Variants in KATNBL1 observed in about 807,000 individuals in gnomAD.
The protein encoded by KATNBL1 is katanin regulatory subunit B1 like 1.
Under a neutral mutation model 44.7 loss-of-function variants are expected in KATNBL1, and 28 were observed. That is an observed-to-expected ratio of 0.63 (90% CI 0.46 to 0.86). The LOEUF (loss-of-function observed/expected upper bound fraction) is 0.86. Among genes scored for constraint, KATNBL1 ranks in the 40% least tolerant of loss-of-function variants. The pLI is 0.00. For synonymous variants in KATNBL1, 78 were observed against 114.9 expected, an observed-to-expected ratio of 0.68 and a Z score of 2.06; for missense variants, 272 against 350.7, an observed-to-expected ratio of 0.78 and a Z score of 1.79.
chr15:34,209,025 C>T (rs1279964198), intron 1 of KATNBL1: 4 of 152,166 alleles, frequency 2.6e-5, no homozygotes, highest in African/African-American at 9.7e-5. Flanking sequence ...GCTCTTAATA[C>T]GCCCAGCGCA....
intron 2 of KATNBL1, among the ~76,000 whole-genome samples, chr15:34,159,510 A>G (rs1888735057): frequency 6.6e-6 from 1 of 152,206 alleles, no homozygotes; most frequent in Admixed American, 6.5e-5. Flanking sequence ...GAAGCTCATC[A>G]TGGAGAAGAC....
intron 1 of KATNBL1, among the ~76,000 whole-genome samples, chr15:34,205,654 GCAT>G (rs765748775): frequency 3.1e-4 from 47 of 152,174 alleles, no homozygotes; most frequent in Non-Finnish European, 5.9e-4. Flanking sequence ...TGGTTGGTTT[GCAT>G]TTTGAATTCC....
intron 2 of KATNBL1, among the ~76,000 whole-genome samples, chr15:34,161,326 G>T (rs556057372): frequency 1.3e-5 from 2 of 152,092 alleles, no homozygotes; most frequent in Admixed American, 6.5e-5. Flanking sequence ...ACACTGGGTG[G>T]GCCTCGATTC....
intron 9 of KATNBL1, among the ~76,000 whole-genome samples, chr15:34,144,397 G>A (rs1888248185): frequency 6.6e-6 from 1 of 150,678 alleles, no homozygotes. Context: ...CTAAGTCCAT[G>A]ACATAAATCC....
chr15:34,181,152 T>C (rs1238859215), intron 1 of KATNBL1, among the ~76,000 whole-genome samples: 1 of 149,642 alleles, frequency 6.7e-6, no homozygotes, highest in Non-Finnish European at 1.5e-5. Flanking sequence ...TAGATTTTAA[T>C]GGATGCTGTA....
rs1249859283 is a variant in KATNBL1 at position 34,141,654 on chromosome 15, A to T, written c.*685T>A. ...CTCAAGTTTTAAAAATGGTGCAGAG[A>T]GTGTTTCAAGAACACTCTACAAGAA... On this transcript the variant is annotated 3_prime_UTR_variant, in exon 10 of 10. Transcript: ENST00000256544. 1 of 152,604 alleles carries T rather than the reference A, an allele frequency of 6.6e-6. No individual in the cohort carries two copies. The highest frequency in any genetic ancestry group is 1.5e-5 in the Non-Finnish European group (1 of 67,994). The allele number at this position is 152,604 out of a possible 1,614,324, so 9.5% of individuals were successfully genotyped here.
At chr15:34,167,300 T>C (rs972745324) in intron 1 of KATNBL1, among the ~76,000 whole-genome samples, 1 of 152,122 alleles carries the variant, frequency 6.6e-6, no homozygotes, top group Non-Finnish European at 1.5e-5. Flanking sequence ...TCATAAAGCA[T>C]ACACAAGCTT....
intron 1 of KATNBL1, chr15:34,177,888 T>C (rs1889384223): frequency 6.6e-6 from 1 of 152,208 alleles, no homozygotes; most frequent in South Asian, 2.1e-4. Flanking sequence ...AGCATAGTTG[T>C]GTACAAAGAA....
In KATNBL1 at chr15:34,181,580, A is replaced by ATG. The variant is rs1287692422; in HGVS notation, c.-14-17891_-14-17890insCA. Among the ~76,000 whole-genome samples, 2 of 113,316 alleles carry ATG rather than the reference A, an allele frequency of 1.8e-5. 1 individual carries two copies. The highest frequency in any genetic ancestry group is 4.0e-5 in the Non-Finnish European group (2 of 49,724). 74.3% of individuals were successfully genotyped at this position (113,316 alleles called of 152,430 possible). Reference sequence around the variant, plus strand: ...TATGTCCATATATATATCCATATATATACATATATATACACATATATATGT... The same window carrying ATG: ...TATGTCCATATATATATCCATATATATGTACATATATATACACATATATATGT... On this transcript the variant is annotated intron_variant, in intron 1 of 9. Coordinates refer to ENST00000256544, the MANE Select transcript of KATNBL1 (RefSeq NM_024713.3).
intron 4 of KATNBL1, among the ~76,000 whole-genome samples, chr15:34,150,411 T>C (rs565995939): frequency 3.3e-5 from 5 of 152,230 alleles, no homozygotes; most frequent in South Asian, 4.1e-4. Flanking sequence ...CTGGGGAGCA[T>C]GGCAAAACCC....
chr15:34,144,981 A>G (rs1888265707), intron 9 of KATNBL1: 1 of 656,868 alleles, frequency 1.5e-6, no homozygotes, highest in Non-Finnish European at 1.9e-6. Flanking sequence ...TGATTTAAAT[A>G]GTTTACCTTC....
Position 34,203,219 on chromosome 15 carries a change from C to T in KATNBL1, c.-15+6732G>A, listed in dbSNP as rs145275152. ...ACCATCCTCCTTCCAATTTCTCAAG[C>T]CTGAAATAAAGGATTCATCCTTGAT... On this transcript the variant is annotated intron_variant, in intron 1 of 9. Transcript: ENST00000256544. Among the ~76,000 whole-genome samples the T allele has an allele frequency of 5.3e-3, 809 of 152,214 alleles. 9 individuals are homozygous for T. The highest frequency in any genetic ancestry group is 0.018 in the African/African-American group (764 of 41,518).
intron 1 of KATNBL1, among the ~76,000 whole-genome samples, chr15:34,176,302 C>T (rs902722018): frequency 2.0e-5 from 3 of 151,740 alleles, no homozygotes; most frequent in South Asian, 2.1e-4. Context: ...TACTTGAACC[C>T]GGGAGGCGGA....
rs188455778 is a variant in KATNBL1, at chr15:34,188,267, G to A, written c.-15+21684C>T. Among the ~76,000 whole-genome samples, 27 of 149,982 alleles carry A rather than the reference G, an allele frequency of 1.8e-4. No homozygotes were observed. The East Asian group carries it at 3.8e-3, about 21-fold the overall frequency. On this transcript the variant is annotated intron_variant, in intron 1 of 9. Transcript: ENST00000256544. The stretch of plus-strand genomic sequence containing the variant: ...TCAGCTGTTAAAGGCTATAAATAGC[G>A]CAAATGAGCTGGGTGTGGTGGCTCA...
At chr15:34,202,019 C>G (rs1890187239) in intron 1 of KATNBL1, among the ~76,000 whole-genome samples, 2 of 152,168 alleles carry the variant, frequency 1.3e-5, no homozygotes, top group East Asian at 3.8e-4. Flanking sequence ...TACTACACCA[C>G]TTTATATCAG....
At chr15:34,177,292 G>GA (rs1297909282) in intron 1 of KATNBL1, among the ~76,000 whole-genome samples, 3 of 152,152 alleles carry the variant, frequency 2.0e-5, no homozygotes, top group Non-Finnish European at 4.4e-5. Context: ...TCACCTACCA[G>GA]AAAAATGAAA....
At chr15:34,188,278 G>C (rs1053763177) in intron 1 of KATNBL1, among the ~76,000 whole-genome samples, 1 of 151,100 alleles carries the variant, frequency 6.6e-6, no homozygotes, top group Non-Finnish European at 1.5e-5. Flanking sequence ...CAAATGAGCT[G>C]GGTGTGGTGG....
chr15:34,174,423 AAGAACAGAG>A (rs1407266079), intron 1 of KATNBL1, among the ~76,000 whole-genome samples: 3 of 152,208 alleles, frequency 2.0e-5, no homozygotes, highest in African/African-American at 7.2e-5. Context: ...AGGGAAACCA[AAGAACAGAG>A]AGAACAGAAA....
At chr15:34,177,786 T>C (rs1889381251) in intron 1 of KATNBL1, 1 of 152,196 alleles carries the variant, frequency 6.6e-6, no homozygotes, top group Non-Finnish European at 1.5e-5. Context: ...AGCTTTCTTT[T>C]TCCATTAATA....
Sources: allele counts gnomAD v4.1 joint callset (sites outside exome capture counted in the v4.1 genomes callset), GRCh38; gene constraint gnomAD v4.1.1; transcripts MANE v1.5; gene names NCBI Gene and HGNC (gene_info 2026-07-23, HGNC 2026-07-21).